Variants in PTN observed in about 807,000 individuals in gnomAD.
PTN encodes heparin affin regulatory protein.
A neutral mutation model predicts 24.1 loss-of-function variants in PTN; 18 were observed. That is an observed-to-expected ratio of 0.75 (90% confidence interval 0.52 to 1.11). The LOEUF is 1.11. Ranked by LOEUF, PTN falls within the 50% of genes least tolerant of loss-of-function variation. PTN has a pLI of 0.00. For synonymous variants in PTN, 78 were observed against 68.6 expected (o/e 1.14, Z -0.67); for missense variants, 163 against 198.8 (o/e 0.82, Z 1.08).
chr7:137,228,349 GC>G (rs1027326527), intron 4 of PTN, among the ~76,000 whole-genome samples: 21 of 151,730 alleles, frequency 1.4e-4, no homozygotes, highest in African/African-American at 5.1e-4. Flanking sequence ...TTCTACAAAT[GC>G]CTGTTATCTT....
At chr7:137,312,233 C>G (rs1234444379) in intron 1 of PTN, among the ~76,000 whole-genome samples, 4 of 152,102 alleles carry the variant, frequency 2.6e-5, no homozygotes, top group African/African-American at 9.7e-5. Context: ...AATCATTTTC[C>G]AGTGAAAATG....
At chr7:137,277,123 G>A (rs1264041035) in intron 1 of PTN, among the ~76,000 whole-genome samples, 2 of 152,170 alleles carry the variant, frequency 1.3e-5, no homozygotes, top group African/African-American at 4.8e-5. Context: ...AAAAATCATG[G>A]GCAAAAAAAC....
chr7:137,277,940 T>C (rs565759978), intron 1 of PTN, among the ~76,000 whole-genome samples: 60 of 152,020 alleles, frequency 3.9e-4, no homozygotes, highest in African/African-American at 1.3e-3. Context: ...GATAGATAGA[T>C]AGATAGATAG....
chr7:137,283,008 G>A (rs1399043481), intron 1 of PTN, among the ~76,000 whole-genome samples: 2 of 152,090 alleles, frequency 1.3e-5, no homozygotes, highest in African/African-American at 4.8e-5. Context: ...AATTTAGGTC[G>A]TGTGCTAGGC....
chr7:137,294,522 T>G (rs1809688967), intron 1 of PTN, among the ~76,000 whole-genome samples: 2 of 152,120 alleles, frequency 1.3e-5, no homozygotes, highest in Non-Finnish European at 2.9e-5. Flanking sequence ...AAGTATCTAG[T>G]CTGAAGCCAA....
intron 1 of PTN, among the ~76,000 whole-genome samples, chr7:137,283,195 G>A (rs1025938078): frequency 2.0e-5 from 3 of 152,026 alleles, no homozygotes; most frequent in African/African-American, 7.2e-5. Flanking sequence ...GGTTTAGCTG[G>A]CAAAAAAATA....
intron 1 of PTN, among the ~76,000 whole-genome samples, chr7:137,324,433 A>AAAAAAAAAAAAAAAAAATATATATAT: frequency 3.4e-5 from 3 of 88,804 alleles, no homozygotes; most frequent in African/African-American, 2.1e-4. Context: ...AAAAAAAAAA[A>AAAAAAAAAAAAAAAAAATATATATAT]ATATATATAT....
At chr7:137,235,777 A>G (rs565531065) in intron 4 of PTN, among the ~76,000 whole-genome samples, 70 of 152,126 alleles carry the variant, frequency 4.6e-4, no homozygotes, top group South Asian at 1.0e-3. Flanking sequence ...CTCTTCATTC[A>G]TCAACTCTAT....
At chr7:137,285,095 G>T (rs573001920) in intron 1 of PTN, among the ~76,000 whole-genome samples, 2 of 152,184 alleles carry the variant, frequency 1.3e-5, no homozygotes, top group African/African-American at 4.8e-5. Context: ...AAAAAGCAAA[G>T]CTAATGAGCA....
intron 1 of PTN, among the ~76,000 whole-genome samples, chr7:137,267,286 C>T (rs890305703): frequency 4.4e-4 from 64 of 146,180 alleles, no homozygotes; most frequent in Non-Finnish European, 3.0e-4. Context: ...GTCTCTTCCT[C>T]TGTGTCTTTT....
chr7:137,254,306 A>G (rs1256860490), intron 2 of PTN, among the ~76,000 whole-genome samples: 6 of 152,096 alleles, frequency 3.9e-5, no homozygotes, highest in African/African-American at 7.2e-5. Context: ...AAAAAAAAAA[A>G]AAAAGAAATA....
intron 1 of PTN, among the ~76,000 whole-genome samples, chr7:137,256,802 AAAAAC>A (rs148690504): frequency 0.27 from 41,052 of 151,498 alleles, 5,691 homozygotes; most frequent in South Asian, 0.38. Flanking sequence ...CAAATTTATA[AAAAAC>A]AAAACAAAAC....
chr7:137,294,039 A>G (rs1809681610), intron 1 of PTN, among the ~76,000 whole-genome samples: 1 of 152,152 alleles, frequency 6.6e-6, no homozygotes, highest in South Asian at 2.1e-4. Context: ...GTTCTTACAC[A>G]TGTATTTACA....
intron 1 of PTN, among the ~76,000 whole-genome samples, chr7:137,324,431 A>AT (rs1554383212): frequency 3.0e-4 from 19 of 63,080 alleles, no homozygotes; most frequent in South Asian, 8.9e-4. Context: ...AAAAAAAAAA[A>AT]AAATATATAT....
intron 1 of PTN, among the ~76,000 whole-genome samples, chr7:137,313,180 C>G (rs913879189): frequency 3.9e-4 from 59 of 152,104 alleles, no homozygotes; most frequent in African/African-American, 1.4e-3. Context: ...ATTTCCCCAC[C>G]TCCAAATATA....
At chr7:137,304,326 A>AC (rs1809852717) in intron 1 of PTN, among the ~76,000 whole-genome samples, 1 of 151,894 alleles carries the variant, frequency 6.6e-6, no homozygotes, top group African/African-American at 2.4e-5. Flanking sequence ...TTGACCTCTG[A>AC]CCCTGGTGCC....
At chr7:137,297,655 G>A (rs1205867961) in intron 1 of PTN, among the ~76,000 whole-genome samples, 1 of 151,888 alleles carries the variant, frequency 6.6e-6, no homozygotes, top group East Asian at 1.9e-4. Context: ...AGGCAATGAG[G>A]GAGAGAAATA....
intron 3 of PTN, among the ~76,000 whole-genome samples, chr7:137,251,904 A>G (rs1263956674): frequency 2.0e-5 from 3 of 151,756 alleles, no homozygotes; most frequent in African/African-American, 4.9e-5. Context: ...CATGGTCCCA[A>G]TGTACCCCAG....
intron 1 of PTN, among the ~76,000 whole-genome samples, chr7:137,324,433 A>AAAAAAAAAAGATATATATATATAT: frequency 1.1e-5 from 1 of 88,804 alleles, no homozygotes; most frequent in African/African-American, 6.9e-5. Context: ...AAAAAAAAAA[A>AAAAAAAAAAGATATATATATATAT]ATATATATAT....
Sources: allele counts gnomAD v4.1 joint callset (sites outside exome capture counted in the v4.1 genomes callset), GRCh38; gene constraint gnomAD v4.1.1; transcripts MANE v1.5; gene names NCBI Gene and HGNC (gene_info 2026-07-23, HGNC 2026-07-21).